Variants in DNTT observed in about 807,000 individuals in gnomAD.
DNTT encodes the protein DNA nucleotidylexotransferase.
Under a neutral mutation model 60.9 loss-of-function variants are expected in DNTT, and 47 were observed. That is an observed-to-expected ratio of 0.77 (90% CI 0.61 to 0.98). DNTT has a LOEUF of 0.98. DNTT is among the 50% of genes least tolerant of loss of function. The probability of loss-of-function intolerance (pLI) is 0.00; values close to 1 mark genes in which losing one functional copy is unlikely to be tolerated. For missense variants in DNTT, 665 were observed against 627.5 expected, an observed-to-expected ratio of 1.06 and a Z score of -0.64; for synonymous variants, 224 against 221.2, an observed-to-expected ratio of 1.01 and a Z score of -0.11.
chr10:96,336,712 C>T (rs1438031878), intron 10 of DNTT, among the ~76,000 whole-genome samples: 1 of 151,924 alleles, frequency 6.6e-6, no homozygotes, highest in South Asian at 2.1e-4. Flanking sequence ...TTTGGGAGGC[C>T]GAGGCGGGTG....
Position 96,322,688 on chromosome 10 carries a change from T to A in DNTT, c.710T>A (p.Val237Asp). Residue 237 changes from valine to aspartate, a missense_variant, in exon 5 of 11, where the codon GTT (valine) becomes GAT (aspartate). Val to Asp is a radical substitution (Grantham distance 152, BLOSUM62 -3). Transcript: ENST00000371174. ...ATTGAAGATGGAGAAAGTTCTGAAG[T>A]TAAAGCTGTGTTAAATGATGAACGA... ...EIIEDGESSE[V>D]KAVLNDERYQ... 1 of 1,603,994 alleles carries A rather than the reference T, an allele frequency of 6.2e-7. No homozygotes were observed. Among genetic ancestry groups the A allele is most frequent in the Non-Finnish European group, 8.5e-7 (1 of 1,172,710 alleles).
intron 3 of DNTT, 71 bp from the exon 4 acceptor site, chr10:96,320,547 G>A (rs1844856404): frequency 6.5e-7 from 1 of 1,550,078 alleles, no homozygotes; most frequent in East Asian, 2.2e-5. Context: ...GAGAGCAAGA[G>A]GCGTTTGTGA....
At chr10:96,327,854 G>A (rs550509638) in intron 7 of DNTT, among the ~76,000 whole-genome samples, 13 of 152,226 alleles carry the variant, frequency 8.5e-5, no homozygotes, top group South Asian at 4.1e-4. Context: ...TCAAATTGTC[G>A]CTTGGCTGAC....
intron 8 of DNTT, among the ~76,000 whole-genome samples, chr10:96,330,261 A>T (rs1305450984): frequency 6.7e-6 from 1 of 149,178 alleles, no homozygotes; most frequent in Non-Finnish European, 1.5e-5. Context: ...AGAATGGCCC[A>T]TTTCTCTCTT....
chr10:96,328,814 A>G lies in DNTT; in HGVS notation c.1097A>G (p.Asn366Ser), dbSNP rs772911521. ...DEEQLLQKVM[N>S]LWEKKGLLLY... The stretch of plus-strand genomic sequence containing the variant: ...GAGCAACTTTTACAGAAAGTGATGA[A>G]CTTATGGGAAAAGAAGGTGAGAAGA... The change falls in exon 8 of 11, where the codon AAC (asparagine) becomes AGC (serine). Residue 366 changes from asparagine (N) to serine (S), a missense_variant. Physicochemically the swap from Asn to Ser is conservative, Grantham distance 46. Transcript: ENST00000371174. 6.2e-7 allele frequency: 1 copy of G among 1,613,086 alleles called. No homozygotes were observed.
chr10:96,309,571 A>G (rs1844684359), intron 1 of DNTT, among the ~76,000 whole-genome samples: 1 of 152,002 alleles, frequency 6.6e-6, no homozygotes, highest in Non-Finnish European at 1.5e-5. Flanking sequence ...CTTTCCATTC[A>G]GTCATTATAT....
intron 7 of DNTT, among the ~76,000 whole-genome samples, chr10:96,327,955 C>G (rs1368269396): frequency 6.6e-6 from 1 of 152,176 alleles, no homozygotes; most frequent in Non-Finnish European, 1.5e-5. Context: ...ATTAGTGCCC[C>G]TCTTCCATGC....
rs374366499 is a variant in DNTT, at chr10:96,328,708, C to T, written c.1008-17C>T. On this transcript the variant is annotated splice_polypyrimidine_tract_variant and intron_variant, in intron 7 of 10. Transcript: ENST00000371174. ...ATATCTAATTGATTTCCATTTTATACTGCTTTTGAAAATTAGGGGTAAGAA... is the reference window on the plus strand; with the variant it reads ...ATATCTAATTGATTTCCATTTTATATTGCTTTTGAAAATTAGGGGTAAGAA... 1.6e-4 allele frequency: 253 copies of T among 1,606,676 alleles called. No homozygotes were observed. The African/African-American group carries it at 3.1e-3, about 20-fold the overall frequency.
chr10:96,307,775 A>ATTTT lies in DNTT; in HGVS notation c.203+3076_203+3077insTTTT, dbSNP rs1194627144. On this transcript the variant is annotated intron_variant, in intron 1 of 10. Transcript: ENST00000371174. ...TGTGTGTGCATATATATATATATAT[A>ATTTT]TATTTTTTTTTTTTGAGGCAGGGTC... is the stretch of plus-strand genomic sequence containing the variant. Among the ~76,000 whole-genome samples, 154 of 121,264 alleles carry ATTTT rather than the reference A, an allele frequency of 1.3e-3. 4 individuals are homozygous for ATTTT. Among genetic ancestry groups the ATTTT allele is most frequent in the African/African-American group, 4.9e-3 (150 of 30,838 alleles). 79.6% of individuals were successfully genotyped at this position (121,264 alleles called of 152,430 possible).
Position 96,322,874 on chromosome 10 carries a change from A to G in DNTT, c.750+146A>G, listed in dbSNP as rs891135743. 5 of 611,994 alleles carry G rather than the reference A, an allele frequency of 8.2e-6. No homozygotes were observed. In the East Asian group the frequency reaches 8.9e-5, roughly 11 times the overall value. 37.9% of individuals were successfully genotyped at this position (611,994 alleles called of 1,614,324 possible). A position where few individuals can be genotyped will look rare whatever the true frequency, so the allele number is the denominator to read the frequency against. On this transcript the variant is annotated intron_variant, in intron 5 of 10. Coordinates refer to ENST00000371174, the MANE Select transcript of DNTT (RefSeq NM_004088.4). The stretch of plus-strand genomic sequence containing the variant: ...AACAACAGAAATTTATTTTCTCACC[A>G]TTCTGGATCAAGATGTCAGCAGGGT...
intron 1 of DNTT, among the ~76,000 whole-genome samples, chr10:96,311,950 T>C (rs564909867): frequency 6.6e-6 from 1 of 152,354 alleles, no homozygotes; most frequent in African/African-American, 2.4e-5. Context: ...GGCCAGTGTG[T>C]TTCTTTTAAT....
In DNTT at chr10:96,335,912, C is replaced by T. The variant is rs769378871; in HGVS notation, c.1381C>T (p.Arg461Cys). 1.5e-5 allele frequency: 24 copies of T among 1,614,154 alleles called. No individual in the cohort carries two copies. Among genetic ancestry groups the T allele is most frequent in the East Asian group, 2.2e-5 (1 of 44,892 alleles). The change falls in exon 10 of 11, where the codon CGC becomes TGC. Residue 461 changes from arginine to cysteine, a missense_variant. Transcript: ENST00000371174. ...CCAGCAGTTTGAGAGAGACCTCCGG[C>T]GCTATGCCACACATGAGCGGAAGAT... ...GSRQFERDLR[R>C]YATHERKMIL...
chr10:96,331,069 A>G (rs956847751), intron 8 of DNTT, among the ~76,000 whole-genome samples: 4 of 152,130 alleles, frequency 2.6e-5, no homozygotes, highest in African/African-American at 9.7e-5. Flanking sequence ...TCGATTGGGC[A>G]CATCTTAGAA....
At chr10:96,313,602 C>CT (rs1342676608) in intron 1 of DNTT, among the ~76,000 whole-genome samples, 1 of 152,182 alleles carries the variant, frequency 6.6e-6, no homozygotes, top group East Asian at 1.9e-4. Flanking sequence ...ATTACATTGC[C>CT]TACTGTGCTA....
chr10:96,331,261 CT>C (rs1489643952), intron 8 of DNTT, among the ~76,000 whole-genome samples: 1 of 152,196 alleles, frequency 6.6e-6, no homozygotes, highest in Non-Finnish European at 1.5e-5. Context: ...ACGCTTTTGG[CT>C]GGTTAAACCT....
chr10:96,304,757 T>G, intron 1 of DNTT, 57 bp downstream of exon 1: 1 of 1,565,482 alleles, frequency 6.4e-7, no homozygotes, highest in Non-Finnish European at 8.7e-7. Flanking sequence ...AACAGCTTCT[T>G]GGGAACCCAA....
chr10:96,331,102 G>A (rs1022462174), intron 8 of DNTT, among the ~76,000 whole-genome samples: 2 of 151,974 alleles, frequency 1.3e-5, no homozygotes, highest in African/African-American at 4.8e-5. Flanking sequence ...TTTCTGGATA[G>A]GCAACTTTAA....
intron 1 of DNTT, among the ~76,000 whole-genome samples, chr10:96,312,056 G>A (rs1844726854): frequency 6.6e-6 from 1 of 152,162 alleles, no homozygotes; most frequent in South Asian, 2.1e-4. Flanking sequence ...TTAAAATACA[G>A]ATATAAATAA....
At position 96,305,170 on chromosome 10, in the gene DNTT, CCAGCTTACCA is replaced by C. The variant is rs1225359060; in HGVS notation, c.203+474_203+483del. Among the ~76,000 whole-genome samples the C allele has an allele frequency of 3.3e-5, 5 of 152,136 alleles. No individual in the cohort carries two copies. The East Asian group carries it at 9.6e-4, about 29-fold the overall frequency. On this transcript the variant is annotated intron_variant, in intron 1 of 10. Transcript: ENST00000371174. ...ATCTGTGGTGGGCGAGGATGACTAGCCAGCTTACCACAGGCACCCAGATGTGGCCTTGACC... is the reference window on the plus strand; with the variant it reads ...ATCTGTGGTGGGCGAGGATGACTAGCCAGGCACCCAGATGTGGCCTTGACC...
Sources: allele counts gnomAD v4.1 joint callset (sites outside exome capture counted in the v4.1 genomes callset), GRCh38; gene constraint gnomAD v4.1.1; transcripts MANE v1.5; gene names NCBI Gene and HGNC (gene_info 2026-07-23, HGNC 2026-07-21).